The following CNTNAP2 variants were observed in gnomAD, a reference collection of about 807,000 sequenced individuals.
CNTNAP2 encodes contactin-associated protein-like 2.
CNTNAP2 carries 98 observed loss-of-function variants against 155.2 expected under a neutral mutation model. The ratio of observed to expected loss-of-function variants is 0.63; its 90% CI spans 0.54 to 0.75. The LOEUF (loss-of-function observed/expected upper bound fraction) is 0.75, where lower values mean the gene tolerates loss of function less well. Among genes scored for constraint, CNTNAP2 ranks in the 30% least tolerant of loss-of-function variants. CNTNAP2 has a pLI of 0.00. For synonymous variants in CNTNAP2, 651 were observed against 631.2 expected, an observed-to-expected ratio of 1.03 and a Z score of -0.47; for missense variants, 1,727 against 1,688.1, an observed-to-expected ratio of 1.02 and a Z score of -0.40.
chr7:146,850,292 C>T (rs888539322), intron 3 of CNTNAP2, among the ~76,000 whole-genome samples: 2 of 152,110 alleles, frequency 1.3e-5, no homozygotes, highest in Non-Finnish European at 2.9e-5. Flanking sequence ...TGCATTTCTC[C>T]GATGAACTTC....
At chr7:148,088,599 A>G (rs1007924838) in intron 15 of CNTNAP2, among the ~76,000 whole-genome samples, 1 of 151,870 alleles carries the variant, frequency 6.6e-6, no homozygotes, top group Admixed American at 6.6e-5. Flanking sequence ...CATAGAACCC[A>G]CCAAAACTGA....
intron 13 of CNTNAP2, among the ~76,000 whole-genome samples, chr7:147,736,303 A>G (rs1395023814): frequency 1.3e-5 from 2 of 152,100 alleles, no homozygotes; most frequent in Non-Finnish European, 2.9e-5. Flanking sequence ...CTGGATGTGA[A>G]ATTCTGGGTT....
chr7:147,593,408 T>C (rs1370992339), intron 12 of CNTNAP2, among the ~76,000 whole-genome samples: 1 of 151,732 alleles, frequency 6.6e-6, no homozygotes, highest in African/African-American at 2.4e-5. Context: ...AGGAAATGAA[T>C]TGGATGATAA....
At position 148,376,229 on chromosome 7, in the gene CNTNAP2, A is replaced by G. The variant is rs1300647814; in HGVS notation, c.3476-7420A>G. Among the ~76,000 whole-genome samples, 2 of 66,586 alleles carry G rather than the reference A, an allele frequency of 3.0e-5. 1 individual carries two copies. Among genetic ancestry groups the G allele is most frequent in the Non-Finnish European group, 8.4e-5 (2 of 23,802 alleles). The allele number at this position is 66,586 out of a possible 152,430, so 43.7% of individuals were successfully genotyped here. A position where few individuals can be genotyped will look rare whatever the true frequency, so the allele number is the denominator to read the frequency against. ...GAAAAAGATTTATGAGTTAAAATGC[A>G]GCAGAGGCCAGGTGCAGTGGCTCCC... On this transcript the variant is annotated intron_variant, in intron 21 of 23. Coordinates refer to ENST00000361727, the MANE Select transcript of CNTNAP2 (RefSeq NM_014141.6).
rs557588219 is a variant in CNTNAP2 at position 146,443,696 on chromosome 7, G to T, written c.97+326723G>T. Among the ~76,000 whole-genome samples, 4 of 152,298 alleles carry T rather than the reference G, an allele frequency of 2.6e-5. No individual in the cohort carries two copies. In the South Asian group the frequency reaches 8.3e-4, roughly 32 times the overall value. ...GAGCTATATTTTATATTCAGGTTTT[G>T]TCTGCCTGTCAACCACTTTTTTTAT... On this transcript the variant is annotated intron_variant, in intron 1 of 23. Transcript: ENST00000361727.
intron 13 of CNTNAP2, among the ~76,000 whole-genome samples, chr7:147,841,499 G>C (rs531401286): frequency 1.1e-4 from 17 of 152,240 alleles, no homozygotes; most frequent in African/African-American, 4.1e-4. Context: ...GGTGTGCAAA[G>C]GCAATTAACA....
intron 15 of CNTNAP2, among the ~76,000 whole-genome samples, chr7:148,008,000 G>T (rs186976404): frequency 2.5e-4 from 38 of 152,070 alleles, no homozygotes; most frequent in African/African-American, 9.2e-4. Flanking sequence ...CTAAATTAAG[G>T]ATCTATAAAT....
At chr7:148,243,274 T>G (rs1796193433) in intron 20 of CNTNAP2, among the ~76,000 whole-genome samples, 2 of 152,140 alleles carry the variant, frequency 1.3e-5, no homozygotes, top group African/African-American at 4.8e-5. Context: ...AGGGCTTGTG[T>G]GCTTAACCCC....
chr7:148,415,388 ACC>A, intron 23 of CNTNAP2, 27 bp from the exon 24 acceptor site: 4 of 1,609,832 alleles, frequency 2.5e-6, no homozygotes, highest in Non-Finnish European at 3.4e-6. Flanking sequence ...GCCCTGTCTA[ACC>A]TCTCGTGCTT....
chr7:146,836,892 C>T (rs2129199871), intron 2 of CNTNAP2, among the ~76,000 whole-genome samples: 1 of 151,630 alleles, frequency 6.6e-6, no homozygotes, highest in South Asian at 2.1e-4. Context: ...TTCAGGTTGC[C>T]AGCTTTTTTT....
chr7:147,740,761 A>G (rs914276661), intron 13 of CNTNAP2, among the ~76,000 whole-genome samples: 2 of 152,230 alleles, frequency 1.3e-5, no homozygotes, highest in African/African-American at 4.8e-5. Context: ...CCCTAGAAGC[A>G]GATCTAGAGA....
At chr7:146,796,113 G>C (rs1585094428) in intron 2 of CNTNAP2, among the ~76,000 whole-genome samples, 2 of 152,118 alleles carry the variant, frequency 1.3e-5, no homozygotes, top group African/African-American at 4.8e-5. Context: ...AGGAATATAT[G>C]CATATATGAT....
intron 3 of CNTNAP2, among the ~76,000 whole-genome samples, chr7:146,944,800 C>A (rs564415192): frequency 2.0e-5 from 3 of 152,084 alleles, no homozygotes; most frequent in African/African-American, 7.2e-5. Flanking sequence ...ATGGCGTGAA[C>A]CCAGGAGGCG....
intron 13 of CNTNAP2, among the ~76,000 whole-genome samples, chr7:147,801,230 G>A (rs111305777): frequency 2.6e-4 from 39 of 150,590 alleles, no homozygotes; most frequent in Admixed American, 4.6e-4. Context: ...GCATACATTC[G>A]TGTATATTTA....
rs1411253591 is a variant in CNTNAP2 at position 147,980,995 on chromosome 7, C to T, written c.2383+3006C>T. 2.6e-5 allele frequency among the ~76,000 whole-genome samples: 4 copies of T among 151,344 alleles called. No individual in the cohort carries two copies. In the South Asian group the frequency reaches 8.4e-4, roughly 32 times the overall value. ...TGGACACAGTAGTGATAGAGTGTTC[C>T]GTATCAACTGCATTTTCCAGTTTTT... is the stretch of plus-strand genomic sequence containing the variant. On this transcript the variant is annotated intron_variant, in intron 15 of 23. Transcript: ENST00000361727.
At chr7:148,301,494 C>G (rs941888920) in intron 21 of CNTNAP2, among the ~76,000 whole-genome samples, 3 of 151,958 alleles carry the variant, frequency 2.0e-5, no homozygotes, top group African/African-American at 7.3e-5. Flanking sequence ...TGTGTCTAAA[C>G]ATCCCCTCTG....
chr7:147,775,526 A>G (rs1471822930), intron 13 of CNTNAP2, among the ~76,000 whole-genome samples: 1 of 148,736 alleles, frequency 6.7e-6, no homozygotes. Context: ...TTCTGCTGGT[A>G]CAATTGATCC....
At chr7:147,807,639 C>A (rs896387599) in intron 13 of CNTNAP2, among the ~76,000 whole-genome samples, 1 of 152,114 alleles carries the variant, frequency 6.6e-6, no homozygotes, top group Non-Finnish European at 1.5e-5. Flanking sequence ...TTAGTAAGCA[C>A]CTGCTGTATA....
chr7:146,970,066 G>C (rs928795768), intron 3 of CNTNAP2, among the ~76,000 whole-genome samples: 11 of 152,084 alleles, frequency 7.2e-5, no homozygotes, highest in African/African-American at 1.9e-4. Context: ...AATTCAAGAT[G>C]GATTAAAGAC....
Sources: allele counts gnomAD v4.1 joint callset (sites outside exome capture counted in the v4.1 genomes callset), GRCh38; gene constraint gnomAD v4.1.1; transcripts MANE v1.5; gene names NCBI Gene and HGNC (gene_info 2026-07-23, HGNC 2026-07-21).